Variants in ATIC observed in about 807,000 individuals in gnomAD.
The protein encoded by ATIC is bifunctional purine biosynthesis protein ATIC.
In ATIC, 64 loss-of-function variants were observed where a neutral mutation model predicts 72.5. The observed-to-expected ratio is 0.88, with a 90% CI of 0.72 to 1.09. ATIC has a LOEUF of 1.09. Among genes scored for constraint, ATIC ranks in the 50% least tolerant of loss-of-function variants. The probability of loss-of-function intolerance (pLI) is 0.00; values close to 1 mark genes in which losing one functional copy is unlikely to be tolerated. For synonymous variants in ATIC, 281 were observed against 267.1 expected (o/e 1.05, Z -0.51); for missense variants, 787 against 732.4 (o/e 1.07, Z -0.86).
chr2:215,324,455 C>A (rs974331663), intron 4 of ATIC, among the ~76,000 whole-genome samples: 1 of 152,052 alleles, frequency 6.6e-6, no homozygotes, highest in African/African-American at 2.4e-5. Flanking sequence ...TGTGAAGATA[C>A]CTAAGAGATA....
chr2:215,357,701 C>T, the ATIC span, among the ~76,000 whole-genome samples: 2 of 151,708 alleles, frequency 1.3e-5, no homozygotes, highest in African/African-American at 2.4e-5. Flanking sequence ...TGGAGTGAGA[C>T]GATGTGATAA....
chr2:215,355,432 C>G, the ATIC span, among the ~76,000 whole-genome samples: 2 of 152,054 alleles, frequency 1.3e-5, no homozygotes, highest in Non-Finnish European at 2.9e-5. Context: ...TGGGGGATCC[C>G]CTGGGCACAG....
At chr2:215,318,110 A>C (rs761307452) in intron 2 of ATIC, 47 bp from the exon 3 acceptor site, 1 of 1,528,346 alleles carries the variant, frequency 6.5e-7, no homozygotes, top group South Asian at 1.1e-5. Flanking sequence ...AGTGAAAATT[A>C]CAATTCAGCC....
At chr2:215,318,111 C>T (rs1559266515) in intron 2 of ATIC, 46 bp from the exon 3 acceptor site, 19 of 1,530,898 alleles carry the variant, frequency 1.2e-5, no homozygotes, top group Non-Finnish European at 1.1e-5. Flanking sequence ...GTGAAAATTA[C>T]AATTCAGCCA....
At chr2:215,343,141 C>T (rs1466439838) in intron 12 of ATIC, among the ~76,000 whole-genome samples, 2 of 149,894 alleles carry the variant, frequency 1.3e-5, no homozygotes, top group African/African-American at 4.9e-5. Flanking sequence ...TCCTTACTAG[C>T]TTTTGGTATT....
chr2:215,334,041 C>CAA (rs34643540), intron 9 of ATIC, among the ~76,000 whole-genome samples: 31,226 of 131,718 alleles, frequency 0.24, 3,497 homozygotes, highest in East Asian at 0.51. Flanking sequence ...TACTCCGTCT[C>CAA]AAAAAAAAAA....
downstream of ATIC, among the ~76,000 whole-genome samples, chr2:215,350,508 C>G (rs1180281881): frequency 3.9e-5 from 6 of 152,170 alleles, no homozygotes; most frequent in Admixed American, 3.9e-4. Context: ...AGATTGGCAC[C>G]TGTGAACTGG....
chr2:215,365,684 CA>C, the ATIC span: 1 of 1,586,770 alleles, frequency 6.3e-7, no homozygotes, highest in Admixed American at 1.7e-5. Context: ...TTCTGACTCA[CA>C]AGACAGTAGG....
chr2:215,337,616 CTCGGCCTCCCAAAGTGTTGGGAT>C (rs562853992), intron 11 of ATIC, among the ~76,000 whole-genome samples: 5 of 152,360 alleles, frequency 3.3e-5, no homozygotes, highest in Middle Eastern at 6.8e-3. Flanking sequence ...ATCTGCCCGC[CTCGGCCTCCCAAAGTGTTGGGAT>C]TACAGGCGTG....
At chr2:215,347,037 G>T (rs1290449030) in intron 14 of ATIC, 96 bp downstream of exon 14, 51 of 1,415,742 alleles carry the variant, frequency 3.6e-5, no homozygotes, top group Non-Finnish European at 6.9e-6. Context: ...CAGAGAAAAA[G>T]ATACTTTCAT....
chr2:215,362,503 A>G, the ATIC span: 1 of 237,212 alleles, frequency 4.2e-6, no homozygotes, highest in Non-Finnish European at 8.5e-6. Flanking sequence ...GACCCAGAGG[A>G]GAGGAGTGAC....
chr2:215,321,612 G>A (rs150151482), intron 4 of ATIC, among the ~76,000 whole-genome samples: 504 of 152,284 alleles, frequency 3.3e-3, no homozygotes, highest in Middle Eastern at 6.8e-3. Context: ...GCTGGATGGG[G>A]CTCCAGTTTC....
At chr2:215,334,343 G>A (rs1198028806) in intron 9 of ATIC, among the ~76,000 whole-genome samples, 1 of 151,592 alleles carries the variant, frequency 6.6e-6, no homozygotes, top group East Asian at 2.0e-4. Flanking sequence ...ACAGGTGCGT[G>A]CCACCACACC....
At chr2:215,353,043 A>G (rs569045046), downstream of ATIC, among the ~76,000 whole-genome samples, 242 of 152,258 alleles carry the variant, frequency 1.6e-3, no homozygotes, top group Middle Eastern at 3.4e-3. Flanking sequence ...GAGTTTTCCA[A>G]TTTCTTCCTG....
chr2:215,332,905 A>G (rs1301695907), intron 8 of ATIC, among the ~76,000 whole-genome samples: 1 of 152,204 alleles, frequency 6.6e-6, no homozygotes, highest in Non-Finnish European at 1.5e-5. Context: ...TGTTTAAATC[A>G]TGAACTCCGC....
At chr2:215,342,016 G>T (rs1052295726) in intron 12 of ATIC, among the ~76,000 whole-genome samples, 13 of 150,946 alleles carry the variant, frequency 8.6e-5, no homozygotes, top group African/African-American at 3.2e-4. Flanking sequence ...GACGCTTACT[G>T]TCAGATCTCA....
chr2:215,347,055 C>G (rs995360291), intron 14 of ATIC, 114 bp downstream of exon 14: 1 of 1,292,852 alleles, frequency 7.7e-7, no homozygotes, highest in East Asian at 2.5e-5. Context: ...CATTGAAATT[C>G]TATGTTGTCT....
At chr2:215,338,320 G>A (rs1228309248) in intron 11 of ATIC, among the ~76,000 whole-genome samples, 3 of 152,086 alleles carry the variant, frequency 2.0e-5, no homozygotes, top group Non-Finnish European at 4.4e-5. Context: ...GGGTTAGCTG[G>A]GTATTTTGTA....
At chr2:215,318,028 T>TA (rs1361378456) in intron 2 of ATIC, 129 bp from the exon 3 acceptor site, 15 of 828,098 alleles carry the variant, frequency 1.8e-5, no homozygotes, top group Admixed American at 1.0e-4. Flanking sequence ...TGAAATACTT[T>TA]AAAAAATCAG....
Sources: gnomAD v4.1 joint callset for allele counts (sites outside exome capture counted in the v4.1 genomes callset) on GRCh38, gnomAD v4.1.1 for gene constraint, MANE v1.5 for transcripts, NCBI Gene and HGNC (gene_info 2026-07-23, HGNC 2026-07-21) for gene names.